Variants in TGFB1 observed in about 807,000 individuals in gnomAD.
The protein encoded by TGFB1 is transforming growth factor beta 1, also known as transforming growth factor beta-1 proprotein.
In TGFB1, 19 loss-of-function variants were observed where a neutral mutation model predicts 43.8. The observed-to-expected ratio is 0.43, with a 90% CI of 0.30 to 0.64. The LOEUF is 0.64. TGFB1 is among the 30% of genes least tolerant of loss of function. The pLI, the probability that TGFB1 is intolerant of heterozygous loss-of-function variation, is 0.11. For synonymous variants in TGFB1, 221 were observed against 236.3 expected, an observed-to-expected ratio of 0.94 and a Z score of 0.60; for missense variants, 445 against 529.8, an observed-to-expected ratio of 0.84 and a Z score of 1.57.
chr19:41,340,010 A>G (rs978063284), intron 5 of TGFB1, among the ~76,000 whole-genome samples: 1 of 152,108 alleles, frequency 6.6e-6, no homozygotes, highest in African/African-American at 2.4e-5. Context: ...TAAATTTACA[A>G]CATTCTAACT....
At chr19:41,338,731 C>T (rs1009730452) in intron 5 of TGFB1, among the ~76,000 whole-genome samples, 11 of 150,664 alleles carry the variant, frequency 7.3e-5, no homozygotes, top group Admixed American at 3.3e-4. Context: ...CCCAGCTACT[C>T]GGGAGGCTGA....
At chr19:41,351,804 T>TGGTGGGGCTCGCTGCTC (rs61023216) in intron 1 of TGFB1, among the ~76,000 whole-genome samples, 1 of 151,532 alleles carries the variant, frequency 6.6e-6, no homozygotes, top group African/African-American at 2.4e-5. Flanking sequence ...CTGCGGGGAA[T>TGGTGGGGCTCGCTGCTC]GCAGCGTGGA....
At position 41,331,566 on chromosome 19, in the gene TGFB1, C is replaced by CTT. The variant is rs3061187; in HGVS notation, c.1015-358_1015-357dup. Among the ~76,000 whole-genome samples, 61 of 77,502 alleles carry CTT rather than the reference C, an allele frequency of 7.9e-4. 2 individuals are homozygous for CTT. The highest frequency in any genetic ancestry group is 1.3e-3 in the East Asian group (3 of 2,260). 50.8% of individuals were successfully genotyped at this position (77,502 alleles called of 152,430 possible). A position where few individuals can be genotyped will look rare whatever the true frequency, so the allele number is the denominator to read the frequency against. ...CACAGGCAAGCGCCACCACTCCTAG[C>CTT]TTTTTTTTTTTTTTTTTTTTTTTTT... On this transcript the variant is annotated intron_variant, in intron 6 of 6. Coordinates refer to ENST00000221930, the MANE Select transcript of TGFB1 (RefSeq NM_000660.7).
Position 41,352,860 on chromosome 19 carries a change from G to A in TGFB1, c.185C>T (p.Pro62Leu), listed in dbSNP as rs2038227420. Residue 62 changes from proline (P) to leucine (L), a missense_variant, in exon 1 of 7, where the codon CCC (proline) becomes CTC (leucine). Pro to Leu is a moderately conservative substitution (Grantham distance 98). This residue lies in a region of TGFB1 where 366 missense variants were observed against 428.8 expected (regional missense o/e 0.85). Transcript: ENST00000221930. The stretch of plus-strand genomic sequence containing the variant: ...GGGCGGCACCTCCCCCTGGCTCGGG[G>A]GGCTGGCGAGCCGCAGCTTGGACAG... ...QILSKLRLASPPSQGEVPPGP... is the reference protein window; with the variant it reads ...QILSKLRLASLPSQGEVPPGP... 2 of 1,566,636 alleles carry A rather than the reference G, an allele frequency of 1.3e-6. No homozygotes were observed. Among genetic ancestry groups the A allele is most frequent in the East Asian group, 2.4e-5 (1 of 42,020 alleles).
At position 41,331,190 on chromosome 19, in the gene TGFB1, C is replaced by T; in HGVS notation, c.1035G>A (p.Gln345=). 6.5e-7 allele frequency: 1 copy of T among 1,542,148 alleles called. No individual in the cohort carries two copies. Among genetic ancestry groups the T allele is most frequent in the East Asian group, 2.4e-5 (1 of 41,252 alleles). The stretch of plus-strand genomic sequence containing the variant: ...GCGCCGCCGAGGCGCCCGGGTTATG[C>T]TGGTTGTACAGGGCCAGGACCTGCG... ...QYSKVLALYN[Q]HNPGASAAPC... The change falls in exon 7 of 7, where the codon CAG becomes CAA. Residue 345 remains glutamine (Q), a synonymous_variant. Transcript: ENST00000221930.
rs551421141 is a variant in TGFB1, at chr19:41,352,227, C to G, written c.355+463G>C. 4.6e-5 allele frequency among the ~76,000 whole-genome samples: 7 copies of G among 152,092 alleles called. No homozygotes were observed. The East Asian group carries it at 1.2e-3, about 25-fold the overall frequency. ...GCTTTTCTGTCCTTCTTGAATCTTT[C>G]CACCTCAGGACCCCCAAGCTCTGGG... On this transcript the variant is annotated intron_variant, in intron 1 of 6. Transcript: ENST00000221930.
intron 6 of TGFB1, among the ~76,000 whole-genome samples, chr19:41,331,853 C>G (rs561684971): frequency 2.0e-5 from 3 of 151,310 alleles, no homozygotes; most frequent in African/African-American, 7.3e-5. Flanking sequence ...TTTTTCCTTC[C>G]ATCTCCCTGT....
intron 2 of TGFB1, among the ~76,000 whole-genome samples, chr19:41,347,274 C>T (rs188433809): frequency 2.6e-5 from 4 of 152,288 alleles, no homozygotes; most frequent in Admixed American, 1.3e-4. Context: ...CTGCCTGCCT[C>T]GGCTTCCCAA....
intron 1 of TGFB1, 37 bp downstream of exon 1, chr19:41,352,653 G>A (rs760093988): frequency 1.2e-6 from 2 of 1,608,012 alleles, no homozygotes; most frequent in Admixed American, 1.7e-5. Context: ...GCCCCCTGGG[G>A]GCCCCCCTCC....
At chr19:41,335,963 A>G (rs770987027) in intron 5 of TGFB1, among the ~76,000 whole-genome samples, 1 of 150,524 alleles carries the variant, frequency 6.6e-6, no homozygotes, top group Non-Finnish European at 1.5e-5. Context: ...GTAGTGTTCG[A>G]GCTGCCTTAA....
intron 1 of TGFB1, 134 bp downstream of exon 1, chr19:41,352,556 A>G (rs1036359529): frequency 1.1e-5 from 12 of 1,082,736 alleles, no homozygotes; most frequent in African/African-American, 1.6e-5. Context: ...TCCCACCATC[A>G]CACGTTCCCT....
At position 41,348,116 on chromosome 19, in the gene TGFB1, G is replaced by A. The variant is rs538484937; in HGVS notation, c.516+179C>T. Among the ~76,000 whole-genome samples, 24 of 143,242 alleles carry A rather than the reference G, an allele frequency of 1.7e-4. No homozygotes were observed. The South Asian group carries it at 5.4e-3, about 32-fold the overall frequency. The allele number at this position is 143,242 out of a possible 152,430, so 94.0% of individuals were successfully genotyped here. A position where few individuals can be genotyped will look rare whatever the true frequency, so the allele number is the denominator to read the frequency against. On this transcript the variant is annotated intron_variant, in intron 2 of 6. Transcript: ENST00000221930. ...CACTGCACTCCAGCTTGGCAACAGA[G>A]TGAGACACTGTCTCAAAAAAAAAAA...
rs1022593585 is a variant in TGFB1 at position 41,341,414 on chromosome 19, T to A, written c.860+469A>T. Among the ~76,000 whole-genome samples, 6 of 121,852 alleles carry A rather than the reference T, an allele frequency of 4.9e-5. No individual in the cohort carries two copies. The South Asian group carries it at 7.9e-4, about 16-fold the overall frequency. The allele number at this position is 121,852 out of a possible 152,430, so 79.9% of individuals were successfully genotyped here. ...CCCGGGAGGTGGAGCTTGCAGTGAA[T>A]CAAGATAGCGCCACTGCACTCCAGC... On this transcript the variant is annotated intron_variant, in intron 5 of 6. Coordinates refer to ENST00000221930, the MANE Select transcript of TGFB1 (RefSeq NM_000660.7).
At chr19:41,341,204 C>T (rs992520847) in intron 5 of TGFB1, among the ~76,000 whole-genome samples, 2 of 151,906 alleles carry the variant, frequency 1.3e-5, no homozygotes, top group Admixed American at 6.6e-5. Flanking sequence ...CGTTGGCTCA[C>T]GCCTGTAATC....
intron 2 of TGFB1, among the ~76,000 whole-genome samples, chr19:41,347,300 G>A (rs1253074594): frequency 5.3e-5 from 8 of 152,174 alleles, no homozygotes; most frequent in Non-Finnish European, 7.3e-5. Flanking sequence ...TGGGATTAGA[G>A]GTGTGAGCCA....
At position 41,353,820 on chromosome 19, in the gene TGFB1, G is replaced by A. The variant is rs2038250972; in HGVS notation, c.-776C>T. 6.5e-6 allele frequency: 1 copy of A among 153,088 alleles called. No homozygotes were observed. The highest frequency in any genetic ancestry group is 2.4e-5 in the African/African-American group (1 of 41,376). The allele number at this position is 153,088 out of a possible 1,614,324, so 9.5% of individuals were successfully genotyped here. A position where few individuals can be genotyped will look rare whatever the true frequency, so the allele number is the denominator to read the frequency against. On this transcript the variant is annotated 5_prime_UTR_variant, in exon 1 of 7. Coordinates refer to ENST00000221930, the MANE Select transcript of TGFB1 (RefSeq NM_000660.7). The surrounding 1 kb of genome is among the most constrained non-coding windows in gnomAD (Gnocchi z 5.9). ...GGCTCAGAGCCGGGGGGGTGCCCCGGACGGGGCGTCCCCCCTGCCCCCGGC... is the reference window on the plus strand; with the variant it reads ...GGCTCAGAGCCGGGGGGGTGCCCCGAACGGGGCGTCCCCCCTGCCCCCGGC...
At chr19:41,341,791 C>T (rs2038058402) in intron 5 of TGFB1, 92 bp downstream of exon 5, 2 of 1,535,576 alleles carry the variant, frequency 1.3e-6, no homozygotes, top group East Asian at 4.5e-5. Context: ...CCAAGCACAG[C>T]AGCAGCCAGG....
chr19:41,340,621 T>G (rs965862458), intron 5 of TGFB1, among the ~76,000 whole-genome samples: 1 of 152,128 alleles, frequency 6.6e-6, no homozygotes, highest in Non-Finnish European at 1.5e-5. Flanking sequence ...CATTCTAATA[T>G]TCTAACATTC....
At chr19:41,347,926 G>A (rs532228735) in intron 2 of TGFB1, among the ~76,000 whole-genome samples, 13 of 151,282 alleles carry the variant, frequency 8.6e-5, no homozygotes, top group Non-Finnish European at 1.0e-4. Context: ...GAGGTCAGGA[G>A]ATCGAGACCA....
Sources: allele counts gnomAD v4.1 joint callset (sites outside exome capture counted in the v4.1 genomes callset), GRCh38; gene constraint gnomAD v4.1.1; regional missense constraint gnomAD v4.1.1; non-coding constraint Gnocchi (gnomAD v3.1); transcripts MANE v1.5; gene names NCBI Gene and HGNC (gene_info 2026-07-23, HGNC 2026-07-21).